Variants in SYN2 observed in about 807,000 individuals in gnomAD.
SYN2 encodes synapsin-2.
In SYN2, 19 loss-of-function variants were observed where a neutral mutation model predicts 50.9. The observed-to-expected ratio is 0.37, with a 90% CI of 0.26 to 0.55. The LOEUF is 0.55. Ranked by LOEUF, SYN2 falls within the 20% of genes least tolerant of loss-of-function variation. The pLI is 0.81. For synonymous variants in SYN2, 255 were observed against 224.9 expected (o/e 1.13, Z -1.20); for missense variants, 587 against 576.4 (o/e 1.02, Z -0.19).
intron 3 of SYN2, 46 bp from the exon 4 acceptor site, chr3:12,145,633 C>T: frequency 6.2e-7 from 1 of 1,601,268 alleles, no homozygotes. Flanking sequence ...TGATGTATGG[C>T]CTGAAGTGCT....
At chr3:12,108,744 G>A (rs955066839) in intron 1 of SYN2, among the ~76,000 whole-genome samples, 1 of 151,690 alleles carries the variant, frequency 6.6e-6, no homozygotes, top group African/African-American at 2.4e-5. Flanking sequence ...TATAGGAATG[G>A]GCATTGCAGT....
intron 1 of SYN2, among the ~76,000 whole-genome samples, chr3:12,037,135 T>A (rs1244755801): frequency 6.6e-6 from 1 of 152,236 alleles, no homozygotes; most frequent in Non-Finnish European, 1.5e-5. Flanking sequence ...CTGTCCATAT[T>A]TCTACCTACA....
intron 8 of SYN2, among the ~76,000 whole-genome samples, chr3:12,168,122 C>T (rs949807607): frequency 2.0e-5 from 3 of 152,154 alleles, no homozygotes; most frequent in African/African-American, 4.8e-5. Flanking sequence ...GAGTAATTGG[C>T]ATGGGCTGGA....
intron 1 of SYN2, among the ~76,000 whole-genome samples, chr3:12,028,224 C>T (rs1479381305): frequency 2.0e-5 from 3 of 151,784 alleles, no homozygotes; most frequent in Non-Finnish European, 4.4e-5. Flanking sequence ...TTTATGGCTG[C>T]TTAGTATTCC....
intron 1 of SYN2, among the ~76,000 whole-genome samples, chr3:12,082,424 T>A (rs565076205): frequency 6.6e-6 from 1 of 152,222 alleles, no homozygotes; most frequent in Non-Finnish European, 1.5e-5. Context: ...AGAATTGTAT[T>A]ATCCCTCCTG....
intron 5 of SYN2, among the ~76,000 whole-genome samples, chr3:12,155,668 C>T (rs532035311): frequency 6.6e-6 from 1 of 152,212 alleles, no homozygotes; most frequent in South Asian, 2.1e-4. Flanking sequence ...TCCTGTAGGA[C>T]CTGGGCACCA....
intron 1 of SYN2, among the ~76,000 whole-genome samples, chr3:12,108,540 A>G (rs1050778273): frequency 2.0e-5 from 3 of 152,172 alleles, no homozygotes; most frequent in African/African-American, 7.2e-5. Context: ...GACTTAAGGT[A>G]TATGCTGGTT....
chr3:12,151,227 T>C lies in SYN2; in HGVS notation c.685-10T>C. 1 of 1,606,196 alleles carries C rather than the reference T, an allele frequency of 6.2e-7. No homozygotes were observed. The highest frequency in any genetic ancestry group is 8.5e-7 in the Non-Finnish European group (1 of 1,175,504). ...TAAGATAAGCTGTAACATTTGCTTT[T>C]CTTTTGCAGTTTGCCCAGCTGGTCG... On this transcript the variant is annotated splice_polypyrimidine_tract_variant and intron_variant, in intron 4 of 12. Coordinates refer to ENST00000621198, the MANE Select transcript of SYN2 (RefSeq NM_133625.6).
chr3:12,148,026 A>G (rs1559439653), intron 4 of SYN2, among the ~76,000 whole-genome samples: 1 of 152,088 alleles, frequency 6.6e-6, no homozygotes, highest in Non-Finnish European at 1.5e-5. Flanking sequence ...AGGCGGGAGA[A>G]TGGCGTGAAC....
At chr3:12,111,595 T>G (rs1211196040) in intron 1 of SYN2, among the ~76,000 whole-genome samples, 1 of 152,206 alleles carries the variant, frequency 6.6e-6, no homozygotes, top group Non-Finnish European at 1.5e-5. Context: ...AGGAAGCGTT[T>G]TCATCTTTTA....
intron 5 of SYN2, among the ~76,000 whole-genome samples, chr3:12,155,858 G>A (rs1052609475): frequency 1.3e-5 from 2 of 152,146 alleles, no homozygotes; most frequent in Non-Finnish European, 2.9e-5. Context: ...AGTTTGAAAG[G>A]GCCTGGTCTG....
chr3:12,174,156 A>G (rs9808956), intron 10 of SYN2, among the ~76,000 whole-genome samples: 32,652 of 151,828 alleles, frequency 0.22, 5,754 homozygotes, highest in African/African-American at 0.49. Flanking sequence ...AACTTGGTCA[A>G]CGTACATTTG....
chr3:12,060,127 A>C (rs1428867499), intron 1 of SYN2, among the ~76,000 whole-genome samples: 1 of 152,218 alleles, frequency 6.6e-6, no homozygotes, highest in East Asian at 1.9e-4. Flanking sequence ...GGAACACTTC[A>C]ATGGTAATTT....
chr3:12,130,822 T>C (rs775741078), intron 1 of SYN2, among the ~76,000 whole-genome samples: 5 of 152,142 alleles, frequency 3.3e-5, no homozygotes, highest in Non-Finnish European at 5.9e-5. Flanking sequence ...AATCAGCTGA[T>C]GATACTAGAC....
intron 1 of SYN2, among the ~76,000 whole-genome samples, chr3:12,064,432 G>C (rs1695169188): frequency 6.6e-6 from 1 of 151,994 alleles, no homozygotes; most frequent in South Asian, 2.1e-4. Flanking sequence ...TGCTTCAAAT[G>C]ATACTATAAA....
intron 7 of SYN2, among the ~76,000 whole-genome samples, chr3:12,164,080 A>G (rs370691296): frequency 2.0e-5 from 3 of 152,206 alleles, no homozygotes; most frequent in African/African-American, 7.2e-5. Flanking sequence ...AAGAAAAGAA[A>G]TATGCACAAT....
intron 1 of SYN2, among the ~76,000 whole-genome samples, chr3:12,027,697 C>T (rs1694291945): frequency 6.6e-6 from 1 of 152,182 alleles, no homozygotes; most frequent in South Asian, 2.1e-4. Flanking sequence ...TAAGTAACTT[C>T]CCCAAAGATG....
At chr3:12,084,307 T>C (rs1380216232) in intron 1 of SYN2, among the ~76,000 whole-genome samples, 5 of 152,196 alleles carry the variant, frequency 3.3e-5, no homozygotes, top group African/African-American at 1.2e-4. Flanking sequence ...TATTGTCTTA[T>C]ACCCTGCAGA....
intron 1 of SYN2, among the ~76,000 whole-genome samples, chr3:12,100,069 A>G (rs978908618): frequency 2.6e-5 from 4 of 152,118 alleles, no homozygotes; most frequent in Admixed American, 6.6e-5. Flanking sequence ...ATAGCAATCT[A>G]TGTCAAAGTG....
Sources: allele counts gnomAD v4.1 joint callset (sites outside exome capture counted in the v4.1 genomes callset), GRCh38; gene constraint gnomAD v4.1.1; transcripts MANE v1.5; gene names NCBI Gene and HGNC (gene_info 2026-07-23, HGNC 2026-07-21).